The following PPP2R2B variants were observed in gnomAD, a reference collection of about 807,000 sequenced individuals.
The protein encoded by PPP2R2B is serine/threonine-protein phosphatase 2A 55 kDa regulatory subunit B beta isoform.
A neutral mutation model predicts 46.0 loss-of-function variants in PPP2R2B; 5 were observed. The observed-to-expected ratio is 0.11, with a 90% CI of 0.06 to 0.23. The LOEUF (loss-of-function observed/expected upper bound fraction) is 0.23, where lower values mean the gene tolerates loss of function less well. Ranked by LOEUF, PPP2R2B falls within the 10% of genes least tolerant of loss-of-function variation. PPP2R2B has a pLI of 1.00. For missense variants in PPP2R2B, 367 were observed against 575.0 expected (o/e 0.64, Z 3.70); for synonymous variants, 215 against 206.7 (o/e 1.04, Z -0.34).
upstream of PPP2R2B, among the ~76,000 whole-genome samples, chr5:146,882,342 G>T (rs958988930): frequency 1.3e-5 from 2 of 150,892 alleles, no homozygotes; most frequent in Non-Finnish European, 2.9e-5. Context: ...TTTCTTCATA[G>T]AACTTAAATT....
chr5:146,881,067 TG>T (rs141775292), upstream of PPP2R2B, among the ~76,000 whole-genome samples: 1,742 of 134,382 alleles, frequency 0.013, 36 homozygotes, highest in African/African-American at 0.047. Flanking sequence ...GGGGGCGGGG[TG>T]GGGGAGAGAG....
At chr5:146,974,109 AAT>A (rs2151850272) in intron 1 of PPP2R2B, among the ~76,000 whole-genome samples, 1 of 152,178 alleles carries the variant, frequency 6.6e-6, no homozygotes, top group East Asian at 1.9e-4. Flanking sequence ...ATCTATTTGG[AAT>A]CCGGGCAAGA....
At chr5:146,889,537 G>C (rs1762428347) in intron 1 of PPP2R2B, among the ~76,000 whole-genome samples, 2 of 152,166 alleles carry the variant, frequency 1.3e-5, no homozygotes, top group Non-Finnish European at 2.9e-5. Context: ...ATGGCAGGAG[G>C]TTAATGGCAG....
intron 8 of PPP2R2B, among the ~76,000 whole-genome samples, chr5:146,594,001 C>T (rs191968206): frequency 6.6e-6 from 1 of 152,120 alleles, no homozygotes; most frequent in Non-Finnish European, 1.5e-5. Flanking sequence ...AGGGAAAGAG[C>T]AGATAGGACT....
chr5:146,598,935 AAGATC>A (rs1425348939), intron 8 of PPP2R2B, among the ~76,000 whole-genome samples: 1 of 152,212 alleles, frequency 6.6e-6, no homozygotes, highest in African/African-American at 2.4e-5. Context: ...TGAGTAAACT[AAGATC>A]ATTGAATTGT....
chr5:146,819,444 T>C (rs946704725), intron 2 of PPP2R2B, among the ~76,000 whole-genome samples: 12 of 152,166 alleles, frequency 7.9e-5, no homozygotes, highest in South Asian at 6.2e-4. Flanking sequence ...ACAGAAGAGC[T>C]GAAATGGAAT....
intron 2 of PPP2R2B, among the ~76,000 whole-genome samples, chr5:147,065,591 A>T (rs550521550): frequency 6.6e-6 from 1 of 152,260 alleles, no homozygotes; most frequent in African/African-American, 2.4e-5. Flanking sequence ...CTGCTCCAAT[A>T]TCCAGAGAAG....
intron 2 of PPP2R2B, among the ~76,000 whole-genome samples, chr5:146,875,795 C>T (rs769732937): frequency 1.3e-5 from 2 of 152,090 alleles, no homozygotes; most frequent in Non-Finnish European, 2.9e-5. Flanking sequence ...GGGCAAGTCC[C>T]CAGTGAGGAG....
intron 2 of PPP2R2B, among the ~76,000 whole-genome samples, chr5:146,702,752 T>C (rs1779615235): frequency 6.6e-6 from 1 of 152,262 alleles, no homozygotes; most frequent in Non-Finnish European, 1.5e-5. Context: ...GTTATCAGTT[T>C]ATGACTTCTA....
intron 1 of PPP2R2B, among the ~76,000 whole-genome samples, chr5:146,995,342 A>T (rs1227115001): frequency 6.6e-6 from 1 of 152,196 alleles, no homozygotes; most frequent in Non-Finnish European, 1.5e-5. Flanking sequence ...TGTGGAAAGA[A>T]GGAATAAATG....
intron 1 of PPP2R2B, among the ~76,000 whole-genome samples, chr5:146,911,679 G>T (rs1763188371): frequency 6.6e-6 from 1 of 152,178 alleles, no homozygotes; most frequent in African/African-American, 2.4e-5. Flanking sequence ...CTTACTGCTT[G>T]TCTTCCTCAT....
At chr5:146,913,342 A>G (rs1464151668) in intron 1 of PPP2R2B, among the ~76,000 whole-genome samples, 1 of 151,886 alleles carries the variant, frequency 6.6e-6, no homozygotes, top group Non-Finnish European at 1.5e-5. Flanking sequence ...GGCAGGGAGG[A>G]CTCCAAGGGT....
At chr5:147,065,848 A>C (rs913779666) in intron 2 of PPP2R2B, among the ~76,000 whole-genome samples, 2 of 152,004 alleles carry the variant, frequency 1.3e-5, no homozygotes, top group Admixed American at 1.3e-4. Context: ...AAAATGAAAG[A>C]GTTTATGGGG....
intron 2 of PPP2R2B, among the ~76,000 whole-genome samples, chr5:146,793,735 A>G (rs1448491074): frequency 6.6e-6 from 1 of 152,182 alleles, no homozygotes; most frequent in African/African-American, 2.4e-5. Context: ...AAATCAGCTG[A>G]TACATGTTTA....
At chr5:146,976,963 A>G (rs758081964) in intron 1 of PPP2R2B, among the ~76,000 whole-genome samples, 7 of 152,128 alleles carry the variant, frequency 4.6e-5, no homozygotes, top group Non-Finnish European at 8.8e-5. Flanking sequence ...TTCTCTCTAT[A>G]TATGTTTCTC....
rs536462185 is a variant in PPP2R2B at position 146,878,209 on chromosome 5, G to C, written c.-124-14C>G. The C allele has an allele frequency of 2.9e-4, 445 of 1,559,116 alleles. No homozygotes were observed. The highest frequency in any genetic ancestry group is 2.3e-3 in the African/African-American group (170 of 73,014). On this transcript the variant is annotated splice_polypyrimidine_tract_variant and intron_variant, in intron 1 of 9. Transcript: ENST00000394411. This position sits in a 1 kb window ranked among gnomAD's most constrained non-coding sequence, Gnocchi z 4.5. ...CATGGTCCGAGCCTGAGGAGGAGAC[G>C]GGGAGGCGGAGAGAAAAAAAATAAA...
chr5:146,597,349 G>A (rs1369120462), intron 8 of PPP2R2B, among the ~76,000 whole-genome samples: 1 of 152,004 alleles, frequency 6.6e-6, no homozygotes, highest in African/African-American at 2.4e-5. Context: ...TGCTATCCCT[G>A]TTGCTGTTGT....
intron 2 of PPP2R2B, among the ~76,000 whole-genome samples, chr5:146,781,130 TGATATATATATATATATA>T (rs1755486470): frequency 6.7e-5 from 2 of 30,014 alleles, no homozygotes; most frequent in South Asian, 1.1e-3. Context: ...AATGCCACCA[TGATATATATATATATATA>T]TATATATATA....
intron 1 of PPP2R2B, among the ~76,000 whole-genome samples, chr5:147,038,478 T>G (rs930800192): frequency 6.6e-6 from 1 of 152,162 alleles, no homozygotes; most frequent in Non-Finnish European, 1.5e-5. Context: ...TTCAAAGATT[T>G]CAACTGCACC....
Sources: allele counts gnomAD v4.1 joint callset (sites outside exome capture counted in the v4.1 genomes callset), GRCh38; gene constraint gnomAD v4.1.1; non-coding constraint Gnocchi (gnomAD v3.1); transcripts MANE v1.5; gene names NCBI Gene and HGNC (gene_info 2026-07-23, HGNC 2026-07-21).